Variants in CACNA2D3 observed in about 807,000 individuals in gnomAD.
The protein encoded by CACNA2D3 is voltage-dependent calcium channel subunit alpha-2/delta-3.
Under a neutral mutation model 160.6 loss-of-function variants are expected in CACNA2D3, and 60 were observed. The observed-to-expected ratio is 0.37, with a 90% CI of 0.30 to 0.46. The LOEUF is 0.46. CACNA2D3 is among the 20% of genes least tolerant of loss of function. The pLI is 1.00. For missense variants in CACNA2D3, 1,205 were observed against 1,365.0 expected (o/e 0.88, Z 1.85); for synonymous variants, 558 against 492.9 (o/e 1.13, Z -1.75).
At chr3:54,811,028 A>T (rs936634936) in intron 13 of CACNA2D3, among the ~76,000 whole-genome samples, 2 of 152,134 alleles carry the variant, frequency 1.3e-5, no homozygotes, top group East Asian at 3.9e-4. Flanking sequence ...GATGTCCCCG[A>T]TTGAGTCCTG....
intron 11 of CACNA2D3, among the ~76,000 whole-genome samples, chr3:54,748,919 G>T (rs1435325810): frequency 6.6e-6 from 1 of 152,186 alleles, no homozygotes; most frequent in Non-Finnish European, 1.5e-5. Context: ...TTTGACTGTT[G>T]TTCACAGAGG....
intron 17 of CACNA2D3, among the ~76,000 whole-genome samples, chr3:54,852,987 G>A (rs1699091706): frequency 7.1e-6 from 1 of 140,950 alleles, no homozygotes; most frequent in South Asian, 2.1e-4. Flanking sequence ...TTCCGCAACT[G>A]AGGAAATAGC....
intron 9 of CACNA2D3, among the ~76,000 whole-genome samples, chr3:54,588,257 C>T: frequency 6.6e-6 from 1 of 152,228 alleles, no homozygotes; most frequent in Middle Eastern, 3.4e-3. Context: ...TGATAAAAAA[C>T]ACCCTTTATA....
At chr3:54,211,929 A>G (rs1255643893) in intron 2 of CACNA2D3, among the ~76,000 whole-genome samples, 3 of 152,186 alleles carry the variant, frequency 2.0e-5, no homozygotes, top group Non-Finnish European at 4.4e-5. Context: ...AATGAAGCAA[A>G]GGCAAAATTG....
At chr3:54,803,142 A>C (rs2106676690) in intron 13 of CACNA2D3, among the ~76,000 whole-genome samples, 1 of 152,316 alleles carries the variant, frequency 6.6e-6, no homozygotes, top group African/African-American at 2.4e-5. Context: ...AAACTCTAAA[A>C]AGCAGAGCGC....
chr3:54,500,535 TC>T lies in CACNA2D3; in HGVS notation c.382-2955del, dbSNP rs1330026079. Among the ~76,000 whole-genome samples the T allele has an allele frequency of 2.0e-5, 3 of 148,892 alleles. No homozygotes were observed. In the East Asian group the frequency reaches 5.9e-4, roughly 29 times the overall value. ...TTCCTTCCTTCCTTCCTTCCTTCCT[TC>T]CTTCCTTCCTTCCTTCCTTTCTCTC... On this transcript the variant is annotated intron_variant, in intron 4 of 37. Coordinates refer to ENST00000474759, the MANE Select transcript of CACNA2D3 (RefSeq NM_018398.3).
intron 13 of CACNA2D3, among the ~76,000 whole-genome samples, chr3:54,782,014 C>T (rs1702547221): frequency 6.6e-6 from 1 of 152,220 alleles, no homozygotes; most frequent in African/African-American, 2.4e-5. Flanking sequence ...GGCAAGGCTC[C>T]TGCAGCATAT....
chr3:54,162,242 G>A (rs1246924527), intron 2 of CACNA2D3, among the ~76,000 whole-genome samples: 4 of 152,172 alleles, frequency 2.6e-5, no homozygotes, highest in Admixed American at 1.3e-4. Context: ...AACCATTTTG[G>A]TGTGCTCATG....
intron 5 of CACNA2D3, among the ~76,000 whole-genome samples, chr3:54,559,405 G>A (rs1463251754): frequency 2.6e-5 from 4 of 152,046 alleles, no homozygotes; most frequent in African/African-American, 9.7e-5. Flanking sequence ...CTATTTTCCT[G>A]TCTCAGCCTC....
At chr3:54,752,191 G>A (rs1701869818) in intron 11 of CACNA2D3, among the ~76,000 whole-genome samples, 1 of 152,130 alleles carries the variant, frequency 6.6e-6, no homozygotes, top group Non-Finnish European at 1.5e-5. Flanking sequence ...AATGTCGAGG[G>A]TCTTTCAGGG....
At chr3:54,586,389 A>T (rs142866722) in intron 9 of CACNA2D3, among the ~76,000 whole-genome samples, 1 of 152,168 alleles carries the variant, frequency 6.6e-6, no homozygotes, top group Non-Finnish European at 1.5e-5. Context: ...TTAATACCAT[A>T]TAAAGTCTTC....
At chr3:54,936,842 A>G (rs571707558) in intron 27 of CACNA2D3, among the ~76,000 whole-genome samples, 9 of 152,296 alleles carry the variant, frequency 5.9e-5, no homozygotes, top group African/African-American at 1.9e-4. Context: ...TCAACAAGCA[A>G]GCTCCTTCAT....
intron 3 of CACNA2D3, among the ~76,000 whole-genome samples, chr3:54,333,785 C>G (rs558066404): frequency 7.9e-5 from 12 of 152,348 alleles, no homozygotes; most frequent in Admixed American, 4.6e-4. Flanking sequence ...TAGGGAATCT[C>G]CCCCAACATT....
chr3:54,872,636 A>G (rs546502772), intron 18 of CACNA2D3, among the ~76,000 whole-genome samples: 4 of 152,314 alleles, frequency 2.6e-5, no homozygotes, highest in African/African-American at 7.2e-5. Context: ...CACGCTCTGC[A>G]CTTTGTCACC....
chr3:54,123,162 G>A (rs924556390), intron 1 of CACNA2D3, among the ~76,000 whole-genome samples: 3 of 60,488 alleles, frequency 5.0e-5, no homozygotes, highest in African/African-American at 1.5e-4. Context: ...TCTTTTTTTG[G>A]GGGGGGGATG....
At chr3:54,736,039 A>G (rs796654913) in intron 11 of CACNA2D3, among the ~76,000 whole-genome samples, 3,768 of 50,342 alleles carry the variant, frequency 0.075, 332 homozygotes, top group Middle Eastern at 0.17. Flanking sequence ...ATATATGTAT[A>G]TATATACACA....
intron 4 of CACNA2D3, among the ~76,000 whole-genome samples, chr3:54,460,331 A>T (rs959813001): frequency 3.3e-5 from 5 of 152,146 alleles, no homozygotes; most frequent in African/African-American, 1.2e-4. Flanking sequence ...GGTAGCTTGA[A>T]GGGGATGGCA....
At chr3:54,949,842 C>G (rs949545042) in intron 27 of CACNA2D3, among the ~76,000 whole-genome samples, 10 of 152,172 alleles carry the variant, frequency 6.6e-5, no homozygotes, top group African/African-American at 2.4e-4. Context: ...GGGCCCCTGC[C>G]AAGCTCATCT....
intron 4 of CACNA2D3, among the ~76,000 whole-genome samples, chr3:54,470,089 A>T (rs1408856794): frequency 6.6e-6 from 1 of 152,200 alleles, no homozygotes; most frequent in Non-Finnish European, 1.5e-5. Flanking sequence ...AACATCACAA[A>T]GATACTCCTC....
Sources: allele counts gnomAD v4.1 joint callset (sites outside exome capture counted in the v4.1 genomes callset), GRCh38; gene constraint gnomAD v4.1.1; transcripts MANE v1.5; gene names NCBI Gene and HGNC (gene_info 2026-07-23, HGNC 2026-07-21).